Variants in TSKS observed in about 807,000 individuals in gnomAD.
TSKS encodes the protein testis-specific serine kinase substrate.
A neutral mutation model predicts 68.0 loss-of-function variants in TSKS; 27 were observed. The observed-to-expected ratio is 0.40, with a 90% CI of 0.29 to 0.55. The LOEUF (loss-of-function observed/expected upper bound fraction) is 0.55. Ranked by LOEUF, TSKS falls within the 20% of genes least tolerant of loss-of-function variation. TSKS has a pLI of 0.53. For missense variants in TSKS, 806 were observed against 776.0 expected, an observed-to-expected ratio of 1.04 and a Z score of -0.46; for synonymous variants, 331 against 340.4, an observed-to-expected ratio of 0.97 and a Z score of 0.30.
chr19:49,742,018 T>G lies in TSKS; in HGVS notation c.1364A>C (p.Gln455Pro), dbSNP rs1015356011. 1 of 1,613,788 alleles carries G rather than the reference T, an allele frequency of 6.2e-7. No individual in the cohort carries two copies. Among genetic ancestry groups the G allele is most frequent in the East Asian group, 2.2e-5 (1 of 44,886 alleles). Residue 455 changes from glutamine to proline, a missense_variant and splice_region_variant, in exon 9 of 11, where the codon CAG (glutamine) becomes CCG (proline). Transcript: ENST00000246801. Reference protein sequence around the residue: ...HQGNCARCASQGSQLSTESLQ... With the variant: ...HQGNCARCASPGSQLSTESLQ... Reference sequence around the variant, plus strand: ...GGACTCCGTAGACAACTGCGACCCCTGGCTGGGGGAGGGGCGGTCACCAGA... The same window carrying G: ...GGACTCCGTAGACAACTGCGACCCCGGGCTGGGGGAGGGGCGGTCACCAGA...
intron 7 of TSKS, 63 bp from the exon 8 acceptor site, chr19:49,744,467 C>T: frequency 2.6e-6 from 4 of 1,543,148 alleles, no homozygotes; most frequent in Non-Finnish European, 3.5e-6. Context: ...TGGCAAGACT[C>T]CACCCATTAT....
chr19:49,747,770 G>A (rs1307907090), intron 4 of TSKS, among the ~76,000 whole-genome samples: 3 of 152,028 alleles, frequency 2.0e-5, no homozygotes, highest in Admixed American at 1.3e-4. Context: ...GTGCAGTGGC[G>A]CAATCTTGGC....
intron 2 of TSKS, among the ~76,000 whole-genome samples, chr19:49,751,162 G>A (rs988976500): frequency 2.0e-5 from 3 of 151,836 alleles, no homozygotes; most frequent in Non-Finnish European, 4.4e-5. Context: ...AAATTAGCCA[G>A]GCGTGGTGGC....
chr19:49,750,541 G>A (rs984263499), intron 2 of TSKS, among the ~76,000 whole-genome samples: 6 of 152,184 alleles, frequency 3.9e-5, no homozygotes, highest in Non-Finnish European at 5.9e-5. Context: ...ACAGGCGTAA[G>A]CCACCGTGCC....
At chr19:49,760,525 C>T (rs912182342) in intron 2 of TSKS, among the ~76,000 whole-genome samples, 7 of 151,826 alleles carry the variant, frequency 4.6e-5, no homozygotes, top group Admixed American at 6.6e-5. Flanking sequence ...TTAGTAGAGA[C>T]GGGGTTTCAC....
At chr19:49,745,163 C>A (rs1349107927) in intron 7 of TSKS, 39 bp downstream of exon 7, 8 of 1,524,728 alleles carry the variant, frequency 5.2e-6, no homozygotes, top group Non-Finnish European at 6.2e-6. Context: ...GATTGCCCTG[C>A]CCCTTCCGGT....
rs774960769 is a variant in TSKS, at chr19:49,742,033, C to T, written c.1362-13G>A. 1.1e-5 allele frequency: 18 copies of T among 1,612,696 alleles called. No homozygotes were observed. Among genetic ancestry groups the T allele is most frequent in the Middle Eastern group, 3.3e-4 (2 of 5,972 alleles). On this transcript the variant is annotated splice_polypyrimidine_tract_variant and intron_variant, in intron 8 of 10. Transcript: ENST00000246801. ...CTGCGACCCCTGGCTGGGGGAGGGG[C>T]GGTCACCAGATAAAGAGGCCCAGTA...
intron 2 of TSKS, among the ~76,000 whole-genome samples, chr19:49,755,948 C>G (rs1007799346): frequency 2.0e-5 from 3 of 151,988 alleles, no homozygotes; most frequent in African/African-American, 7.2e-5. Flanking sequence ...TTGCAGTGAG[C>G]CGAGATCGTG....
intron 2 of TSKS, among the ~76,000 whole-genome samples, chr19:49,757,890 C>CTTTT (rs745890038): frequency 3.8e-5 from 5 of 130,180 alleles, no homozygotes; most frequent in Non-Finnish European, 6.5e-5. Flanking sequence ...TCTCTGTCTT[C>CTTTT]TTTTTTTTTT....
At chr19:49,749,025 C>G (rs191534027) in intron 2 of TSKS, among the ~76,000 whole-genome samples, 1 of 151,882 alleles carries the variant, frequency 6.6e-6, no homozygotes, top group Admixed American at 6.6e-5. Flanking sequence ...ATTGCACCAC[C>G]GTACTCCAAT....
chr19:49,752,673 G>A (rs758776356), intron 2 of TSKS, among the ~76,000 whole-genome samples: 5 of 152,186 alleles, frequency 3.3e-5, no homozygotes, highest in East Asian at 1.9e-4. Flanking sequence ...TGCTACTGCC[G>A]AAGGCAATGG....
chr19:49,746,561 C>T lies in TSKS; in HGVS notation c.901G>A (p.Ala301Thr), dbSNP rs147276247. ...KPSRPHGLVP[A>T]GWGMGPRAGE... ...GCCCGAGGCCCCATTCCCCAGCCTG[C>T]GGGGACCAGGCCGTGTGGCCGCGAG... Residue 301 changes from alanine to threonine, a missense_variant, in exon 6 of 11, where the codon GCA becomes ACA. By Grantham distance (58) the Ala-to-Thr change is moderately conservative. Transcript: ENST00000246801. 6.2e-6 allele frequency: 10 copies of T among 1,613,212 alleles called. No homozygotes were observed. The African/African-American group carries it at 1.1e-4, about 17-fold the overall frequency.
Position 49,763,238 on chromosome 19 carries a change from C to T in TSKS, c.10G>A (p.Val4Met), listed in dbSNP as rs372540563. ...GACTGCCAGATCGTCTTCACCACCA[C>T]GCTCGCCATGGTGTGGGGGTCTGGC... MAS[V>M]VVKTIWQSKE... is the part of the protein sequence containing the mutation. Residue 4 changes from valine to methionine, a missense_variant, in exon 1 of 11, where the codon GTG becomes ATG. Coordinates refer to ENST00000246801, the MANE Select transcript of TSKS (RefSeq NM_021733.2). The surrounding 1 kb of genome is among the most constrained non-coding windows in gnomAD (Gnocchi z 4.5). The T allele has an allele frequency of 6.7e-5, 100 of 1,498,794 alleles. 1 individual carries two copies. Among genetic ancestry groups the T allele is most frequent in the South Asian group, 4.1e-4 (31 of 75,234 alleles). The allele number at this position is 1,498,794 out of a possible 1,614,324, so 92.8% of individuals were successfully genotyped here.
Position 49,763,027 on chromosome 19 carries a change from G to A in TSKS, c.170+51C>T, listed in dbSNP as rs1204712263. 1 of 1,568,982 alleles carries A rather than the reference G, an allele frequency of 6.4e-7. No homozygotes were observed. Among genetic ancestry groups the A allele is most frequent in the South Asian group, 1.2e-5 (1 of 84,660 alleles). On this transcript the variant is annotated intron_variant, in intron 1 of 10. Coordinates refer to ENST00000246801, the MANE Select transcript of TSKS (RefSeq NM_021733.2). This position sits in a 1 kb window ranked among gnomAD's most constrained non-coding sequence, Gnocchi z 4.5. ...CCACAGTCGGACTCCTGCTCTGTTG[G>A]AGGTAGTGCTGGGCATTAGAACCAT...
rs776271069 is a variant in TSKS, at chr19:49,748,382, A to G, written c.487T>C (p.Ser163Pro). Residue 163 changes from serine (S) to proline (P), a missense_variant, in exon 3 of 11, where the codon TCT becomes CCT. Ser to Pro is a moderately conservative substitution (Grantham distance 74). Transcript: ENST00000246801. ...ATAGGGGGTCCTCACACCTGCAGAG[A>G]CTGCACGTGCTGGTTAACCCGGTTG... is the stretch of plus-strand genomic sequence containing the variant. ...KTNRVNQHVQSLQSECSVLSE... is the reference protein window; with the variant it reads ...KTNRVNQHVQPLQSECSVLSE... 2.5e-6 allele frequency: 4 copies of G among 1,613,870 alleles called. No homozygotes were observed. Among genetic ancestry groups the G allele is most frequent in the Non-Finnish European group, 3.4e-6 (4 of 1,179,898 alleles).
intron 2 of TSKS, among the ~76,000 whole-genome samples, chr19:49,754,200 T>C (rs183604774): frequency 6.7e-6 from 1 of 150,344 alleles, no homozygotes; most frequent in Non-Finnish European, 1.5e-5. Flanking sequence ...TATGATACTT[T>C]AAATGGCCAG....
At chr19:49,753,810 CAAT>C (rs2084371641) in intron 2 of TSKS, among the ~76,000 whole-genome samples, 1 of 150,654 alleles carries the variant, frequency 6.6e-6, no homozygotes, top group African/African-American at 2.4e-5. Flanking sequence ...CTATAACAAG[CAAT>C]AATAACAACA....
intron 2 of TSKS, among the ~76,000 whole-genome samples, chr19:49,753,455 G>A (rs920249214): frequency 5.3e-5 from 8 of 151,628 alleles, no homozygotes; most frequent in African/African-American, 9.7e-5. Context: ...CCAGCTACTC[G>A]GGAAGCTGAG....
At chr19:49,758,741 G>A (rs949698740) in intron 2 of TSKS, among the ~76,000 whole-genome samples, 6 of 152,128 alleles carry the variant, frequency 3.9e-5, no homozygotes, top group African/African-American at 1.2e-4. Context: ...GTCTTGGGGA[G>A]AGAAAGCCCT....
Sources: gnomAD v4.1 joint callset for allele counts (sites outside exome capture counted in the v4.1 genomes callset) on GRCh38, gnomAD v4.1.1 for gene constraint, Gnocchi (gnomAD v3.1) non-coding constraint, MANE v1.5 for transcripts, NCBI Gene and HGNC (gene_info 2026-07-23, HGNC 2026-07-21) for gene names.